Variants in MYO9B observed in about 807,000 individuals in gnomAD.
MYO9B encodes the protein unconventional myosin-IXb.
MYO9B carries 71 observed loss-of-function variants against 229.5 expected under a neutral mutation model. The ratio of observed to expected loss-of-function variants is 0.31; its 90% CI spans 0.26 to 0.38. The LOEUF (loss-of-function observed/expected upper bound fraction) is 0.38, where lower values mean the gene tolerates loss of function less well. MYO9B is among the 10% of genes least tolerant of loss of function. MYO9B has a pLI of 1.00. For missense variants in MYO9B, 2,255 were observed against 2,920.5 expected (o/e 0.77, Z 5.25); for synonymous variants, 1,185 against 1,235.8 (o/e 0.96, Z 0.86).
intron 2 of MYO9B, among the ~76,000 whole-genome samples, chr19:17,115,019 AG>A (rs1441191142): frequency 1.3e-5 from 2 of 149,222 alleles, no homozygotes; most frequent in African/African-American, 5.0e-5. Context: ...GACAGGGTCT[AG>A]CCCTGTCGCC....
At chr19:17,084,059 G>A (rs1245498876) in intron 1 of MYO9B, among the ~76,000 whole-genome samples, 1 of 151,834 alleles carries the variant, frequency 6.6e-6, no homozygotes, top group African/African-American at 2.4e-5. Flanking sequence ...CCCTTTGGGG[G>A]CCAAGTGATT....
At chr19:17,094,432 G>A (rs545166201) in intron 1 of MYO9B, among the ~76,000 whole-genome samples, 21 of 152,122 alleles carry the variant, frequency 1.4e-4, no homozygotes, top group African/African-American at 4.6e-4. Context: ...CCACCACCAC[G>A]ACCAATGCCA....
At position 17,162,890 on chromosome 19, in the gene MYO9B, C is replaced by T; in HGVS notation, c.1537-98C>T. 2.2e-6 allele frequency: 3 copies of T among 1,339,778 alleles called. No individual in the cohort carries two copies. The East Asian group carries it at 7.5e-5, about 34-fold the overall frequency. The allele number at this position is 1,339,778 out of a possible 1,614,324, so 83.0% of individuals were successfully genotyped here. On this transcript the variant is annotated intron_variant, in intron 9 of 39. Coordinates refer to ENST00000682292, the MANE Select transcript of MYO9B (RefSeq NM_004145.4). Reference sequence around the variant, plus strand: ...TCTGCCGAGCAACAGGGACTGGGGACCTAACAGGTCACAGCCTGTAGAGCC... The same window carrying T: ...TCTGCCGAGCAACAGGGACTGGGGATCTAACAGGTCACAGCCTGTAGAGCC...
chr19:17,183,246 C>T (rs1172931708), intron 15 of MYO9B, among the ~76,000 whole-genome samples: 1 of 152,088 alleles, frequency 6.6e-6, no homozygotes, highest in Non-Finnish European at 1.5e-5. Context: ...TCTTTCCCAC[C>T]AGCATGATCC....
intron 1 of MYO9B, among the ~76,000 whole-genome samples, chr19:17,078,842 T>C (rs2057509923): frequency 6.6e-6 from 1 of 152,226 alleles, no homozygotes; most frequent in Non-Finnish European, 1.5e-5. Context: ...TCCTTGTTCT[T>C]ATCTTCCTGA....
intron 17 of MYO9B, among the ~76,000 whole-genome samples, chr19:17,185,248 C>G (rs2072905118): frequency 6.6e-6 from 1 of 151,272 alleles, no homozygotes; most frequent in East Asian, 1.9e-4. Context: ...GTGGCGGGTG[C>G]CTGTAGTCCC....
intron 28 of MYO9B, 76 bp from the exon 29 acceptor site, chr19:17,202,766 G>C: frequency 1.4e-6 from 2 of 1,460,718 alleles, no homozygotes; most frequent in Non-Finnish European, 1.9e-6. Flanking sequence ...ACACGCCTGA[G>C]TTATGGGGTG....
At position 17,156,933 on chromosome 19, in the gene MYO9B, C is replaced by G. The variant is rs1318404580; in HGVS notation, c.1224C>G (p.Ile408Met). ...GGATTTTTGCCGTCCTCTCGGCCAT[C>G]CTGTACCTGGGCAACGTCACTTATA... ...KKQIFAVLSA[I>M]LYLGNVTYKK... The change falls in exon 7 of 40, where the codon ATC (isoleucine) becomes ATG (methionine). Residue 408 changes from isoleucine to methionine, a missense_variant. Around this residue, in one of 7 missense-constraint regions of MYO9B, gnomAD observed 220 missense variants for 404.5 expected, o/e 0.54. Transcript: ENST00000682292. 6 of 1,613,788 alleles carry G rather than the reference C, an allele frequency of 3.7e-6. No homozygotes were observed. In the South Asian group the frequency reaches 6.6e-5, roughly 18 times the overall value.
intron 4 of MYO9B, among the ~76,000 whole-genome samples, chr19:17,153,059 C>T (rs887853721): frequency 6.6e-6 from 1 of 152,150 alleles, no homozygotes; most frequent in Non-Finnish European, 1.5e-5. Flanking sequence ...GGAGGATCGC[C>T]TGAGCCCGGG....
At chr19:17,188,428 CAAAA>C (rs1182917762) in intron 19 of MYO9B, among the ~76,000 whole-genome samples, 2 of 92,554 alleles carry the variant, frequency 2.2e-5, no homozygotes. Flanking sequence ...GACTCCATCT[CAAAA>C]AAAAAAAAAA....
At chr19:17,123,553 G>A (rs1299001096) in intron 2 of MYO9B, among the ~76,000 whole-genome samples, 1 of 151,874 alleles carries the variant, frequency 6.6e-6, no homozygotes, top group South Asian at 2.1e-4. Context: ...CGATTCTCCT[G>A]CCTCAACCTC....
At position 17,192,964 on chromosome 19, in the gene MYO9B, C is replaced by T. The variant is rs756912067; in HGVS notation, c.3030C>T (p.Ala1010=). ...CGCAGGCTGCCGTGTACCTCCAGGC[C>T]TCATGGAGGGGCTACTGGCAGCGGA... ...ERTQAAVYLQ[A]SWRGYWQRKL... Residue 1010 remains alanine (A), a synonymous_variant, in exon 21 of 40, where the codon GCC becomes GCT. Transcript: ENST00000682292. The T allele has an allele frequency of 1.3e-6, 2 of 1,533,608 alleles. No individual in the cohort carries two copies. Among genetic ancestry groups the T allele is most frequent in the African/African-American group, 1.4e-5 (1 of 72,870 alleles).
At chr19:17,136,334 G>A (rs1292075623) in intron 2 of MYO9B, among the ~76,000 whole-genome samples, 9 of 152,062 alleles carry the variant, frequency 5.9e-5, no homozygotes, top group Admixed American at 4.6e-4. Context: ...TCAGTGCCTC[G>A]AGACTGGGGG....
intron 2 of MYO9B, among the ~76,000 whole-genome samples, chr19:17,130,790 C>G (rs2072186779): frequency 6.6e-6 from 1 of 150,422 alleles, no homozygotes; most frequent in African/African-American, 2.5e-5. Context: ...AAAAAAAAAT[C>G]TAGAATTTTT....
intron 7 of MYO9B, 26 bp downstream of exon 7, chr19:17,157,064 C>T: frequency 6.2e-7 from 1 of 1,607,910 alleles, no homozygotes; most frequent in Non-Finnish European, 8.5e-7. Context: ...TCTGTCCCTT[C>T]TCAGGCCTGG....
intron 9 of MYO9B, 147 bp downstream of exon 9, chr19:17,162,613 A>G (rs937703260): frequency 6.0e-5 from 43 of 720,918 alleles, no homozygotes; most frequent in Non-Finnish European, 8.0e-5. Context: ...CCCAGGAAAC[A>G]GGACAGGCTA....
intron 1 of MYO9B, among the ~76,000 whole-genome samples, chr19:17,089,509 C>T (rs1054632334): frequency 3.2e-4 from 48 of 152,248 alleles, no homozygotes; most frequent in Non-Finnish European, 1.8e-4. Flanking sequence ...CAGTAAATTC[C>T]GAATCCTCCG....
At chr19:17,181,660 C>A (rs1320031304) in intron 15 of MYO9B, among the ~76,000 whole-genome samples, 1 of 152,244 alleles carries the variant, frequency 6.6e-6, no homozygotes, top group Non-Finnish European at 1.5e-5. Context: ...CCACATCTCG[C>A]CTTTTAGTGG....
At chr19:17,103,834 T>A (rs1371824055) in intron 2 of MYO9B, 1 of 152,044 alleles carries the variant, frequency 6.6e-6, no homozygotes, top group Admixed American at 6.6e-5. Context: ...GGCAGGTGGA[T>A]CACGGGAGGT....
Sources: gnomAD v4.1 joint callset for allele counts (sites outside exome capture counted in the v4.1 genomes callset) on GRCh38, gnomAD v4.1.1 for gene constraint, gnomAD v4.1.1 regional missense constraint, MANE v1.5 for transcripts, NCBI Gene and HGNC (gene_info 2026-07-23, HGNC 2026-07-21) for gene names.